The following L3MBTL3 variants were observed in gnomAD, a reference collection of about 807,000 sequenced individuals.
The protein encoded by L3MBTL3 is L3MBTL histone methyl-lysine binding protein 3.
In L3MBTL3, 27 loss-of-function variants were observed where a neutral mutation model predicts 102.3. The ratio of observed to expected loss-of-function variants is 0.26; its 90% confidence interval spans 0.19 to 0.36. The LOEUF is 0.36. Among genes scored for constraint, L3MBTL3 ranks in the 10% least tolerant of loss-of-function variants. The pLI is 1.00. For synonymous variants in L3MBTL3, 340 were observed against 320.9 expected (o/e 1.06, Z -0.64); for missense variants, 798 against 955.3 (o/e 0.84, Z 2.17).
At chr6:130,137,392 G>A (rs1787802500) in intron 22 of L3MBTL3, among the ~76,000 whole-genome samples, 1 of 152,202 alleles carries the variant, frequency 6.6e-6, no homozygotes, top group Non-Finnish European at 1.5e-5. Context: ...GGTCACTGTT[G>A]TTCTTAGGAT....
At chr6:130,066,309 T>TATATATATG in intron 10 of L3MBTL3, 44 bp from the exon 11 acceptor site, 1 of 1,015,864 alleles carries the variant, frequency 9.8e-7, no homozygotes, top group Non-Finnish European at 1.4e-6. Flanking sequence ...TATATGAATA[T>TATATATATG]TCTGAGTTAA....
In L3MBTL3 at chr6:130,086,188, A is replaced by G. The variant is rs1176846393; in HGVS notation, c.1456A>G (p.Lys486Glu). The G allele has an allele frequency of 6.2e-7, 1 of 1,613,204 alleles. No homozygotes were observed. The highest frequency in any genetic ancestry group is 8.5e-7 in the Non-Finnish European group (1 of 1,179,744). ...AAAAATGAAGCTTGAGGTTGTAGAC[A>G]AAAGGAACCCTATGTTTATTAGAGT... ...QKKMKLEVVD[K>E]RNPMFIRVAT... Residue 486 changes from lysine to glutamate, a missense_variant, in exon 16 of 23, where the codon AAA becomes GAA. Coordinates refer to ENST00000361794, the MANE Select transcript of L3MBTL3 (RefSeq NM_032438.4).
At chr6:130,057,643 T>C in intron 9 of L3MBTL3, 146 bp downstream of exon 9, 1 of 685,500 alleles carries the variant, frequency 1.5e-6, no homozygotes, top group Non-Finnish European at 2.5e-6. Flanking sequence ...TGGAGGGCAG[T>C]GAACACTGAC....
At chr6:130,053,880 TA>T (rs1781275810) in intron 7 of L3MBTL3, among the ~76,000 whole-genome samples, 3 of 152,168 alleles carry the variant, frequency 2.0e-5, no homozygotes. Flanking sequence ...CAGGGATGCA[TA>T]AGACAAATAG....
chr6:130,058,351 G>A (rs1455321146), intron 9 of L3MBTL3, among the ~76,000 whole-genome samples: 1 of 151,840 alleles, frequency 6.6e-6, no homozygotes, highest in East Asian at 1.9e-4. Flanking sequence ...CAAGAGTTGG[G>A]GTCCGGGTGT....
chr6:130,076,584 A>G (rs1340719903), intron 13 of L3MBTL3, among the ~76,000 whole-genome samples: 1 of 152,202 alleles, frequency 6.6e-6, no homozygotes, highest in Non-Finnish European at 1.5e-5. Flanking sequence ...AAAAATTTGA[A>G]ATGGAGGCTT....
In L3MBTL3 at chr6:130,140,581, G is replaced by A. The variant is rs977295037; in HGVS notation, c.*828G>A. 3 of 152,214 alleles carry A rather than the reference G, an allele frequency of 2.0e-5. No individual in the cohort carries two copies. The highest frequency in any genetic ancestry group is 2.4e-5 in the African/African-American group (1 of 41,446). The allele number at this position is 152,214 out of a possible 1,614,324, so 9.4% of individuals were successfully genotyped here. ...GATGGTGTCAGAGGAGTACGCAGTT[G>A]TATGCAGTTATGGTTGGGGGGAATG... On this transcript the variant is annotated 3_prime_UTR_variant, in exon 23 of 23. Transcript: ENST00000361794.
At chr6:130,084,533 A>G (rs1783557821) in intron 15 of L3MBTL3, among the ~76,000 whole-genome samples, 1 of 152,196 alleles carries the variant, frequency 6.6e-6, no homozygotes, top group South Asian at 2.1e-4. Flanking sequence ...AAGAGAAACT[A>G]TATCAAAAAA....
chr6:130,064,112 C>G (rs763151016), intron 10 of L3MBTL3, among the ~76,000 whole-genome samples: 30 of 152,130 alleles, frequency 2.0e-4, no homozygotes, highest in Non-Finnish European at 4.4e-4. Flanking sequence ...ATTTACTAGA[C>G]TTGGTTAGGT....
chr6:130,064,807 C>T (rs934621295), intron 10 of L3MBTL3, among the ~76,000 whole-genome samples: 7 of 152,124 alleles, frequency 4.6e-5, no homozygotes, highest in African/African-American at 7.2e-5. Context: ...CATAGCTTTC[C>T]GGTGAGCCTG....
chr6:130,111,630 T>C (rs1785352756), intron 19 of L3MBTL3, among the ~76,000 whole-genome samples: 1 of 152,222 alleles, frequency 6.6e-6, no homozygotes, highest in African/African-American at 2.4e-5. Flanking sequence ...GGAATGAATG[T>C]CCTTTTCCTG....
At chr6:130,125,333 C>T (rs771914702) in intron 20 of L3MBTL3, among the ~76,000 whole-genome samples, 2 of 152,120 alleles carry the variant, frequency 1.3e-5, no homozygotes, top group Non-Finnish European at 2.9e-5. Flanking sequence ...CTGTGATTTC[C>T]TACATTGGCT....
chr6:130,130,102 T>C (rs1035140015), intron 20 of L3MBTL3, among the ~76,000 whole-genome samples: 9 of 152,214 alleles, frequency 5.9e-5, no homozygotes, highest in Non-Finnish European at 1.2e-4. Context: ...TGGAAGAGTA[T>C]GTATATCTAG....
intron 22 of L3MBTL3, chr6:130,138,248 C>G (rs1284745967): frequency 6.6e-6 from 1 of 152,182 alleles, no homozygotes; most frequent in African/African-American, 2.4e-5. Context: ...GCCACCATAA[C>G]AATGCCAACC....
chr6:130,019,471 A>C (rs1362142796), intron 1 of L3MBTL3: 2 of 151,864 alleles, frequency 1.3e-5, no homozygotes, highest in Non-Finnish European at 2.9e-5. Context: ...CAAGTACGGG[A>C]GACCGAGGCA....
intron 22 of L3MBTL3, among the ~76,000 whole-genome samples, chr6:130,137,440 G>T (rs1416506170): frequency 6.6e-6 from 1 of 152,184 alleles, no homozygotes; most frequent in Non-Finnish European, 1.5e-5. Flanking sequence ...TTCCAATCAA[G>T]ACTTGTTTGT....
chr6:130,029,170 G>A (rs1779545620), intron 2 of L3MBTL3, among the ~76,000 whole-genome samples: 1 of 152,206 alleles, frequency 6.6e-6, no homozygotes, highest in Non-Finnish European at 1.5e-5. Context: ...ATTATAATCA[G>A]TGTATAGATT....
At chr6:130,062,664 G>A (rs150067225) in intron 10 of L3MBTL3, among the ~76,000 whole-genome samples, 259 of 148,130 alleles carry the variant, frequency 1.7e-3, no homozygotes, top group African/African-American at 5.9e-3. Context: ...CAAAGTGCTT[G>A]TATAACAGGC....
intron 7 of L3MBTL3, among the ~76,000 whole-genome samples, chr6:130,054,162 G>C (rs1283727756): frequency 6.6e-6 from 1 of 152,182 alleles, no homozygotes; most frequent in Non-Finnish European, 1.5e-5. Flanking sequence ...AACTTCCAGA[G>C]GAAAGTCCTT....
Sources: gnomAD v4.1 joint callset for allele counts (sites outside exome capture counted in the v4.1 genomes callset) on GRCh38, gnomAD v4.1.1 for gene constraint, MANE v1.5 for transcripts, NCBI Gene and HGNC (gene_info 2026-07-23, HGNC 2026-07-21) for gene names.